The following CCDC144A variants were observed in gnomAD, a reference collection of about 807,000 sequenced individuals.
CCDC144A encodes coiled-coil domain-containing protein 144A.
A neutral mutation model predicts 143.8 loss-of-function variants in CCDC144A; 41 were observed. The observed-to-expected ratio is 0.29, with a 90% CI of 0.22 to 0.37. The LOEUF is 0.37. CCDC144A is among the 10% of genes least tolerant of loss of function. The pLI, the probability that CCDC144A is intolerant of heterozygous loss-of-function variation, is 1.00. For synonymous variants in CCDC144A, 242 were observed against 517.9 expected (o/e 0.47, Z 7.23); for missense variants, 637 against 1,488.8 (o/e 0.43, Z 9.41).
At chr17:16,686,205 G>A (rs2142732891), upstream of CCDC144A, among the ~76,000 whole-genome samples, 1 of 149,394 alleles carries the variant, frequency 6.7e-6, no homozygotes, top group East Asian at 2.0e-4. Flanking sequence ...GCCTGTGATT[G>A]GCTCTGTTTT....
intron 2 of CCDC144A, among the ~76,000 whole-genome samples, 192 bp from the exon 3 acceptor site, chr17:16,704,959 T>C (rs141380965): frequency 2.6e-4 from 39 of 152,300 alleles, no homozygotes; most frequent in African/African-American, 9.1e-4. Flanking sequence ...TGAGAGATGA[T>C]AGTTAATTAT....
At chr17:16,734,004 G>T (rs1314685192) in intron 11 of CCDC144A, among the ~76,000 whole-genome samples, 1 of 152,050 alleles carries the variant, frequency 6.6e-6, no homozygotes, top group Non-Finnish European at 1.5e-5. Flanking sequence ...AGCTGCGTGT[G>T]GGGGTGTGTG....
chr17:16,693,919 G>C (rs1198859877), intron 2 of CCDC144A, among the ~76,000 whole-genome samples: 1 of 147,300 alleles, frequency 6.8e-6, no homozygotes. Flanking sequence ...TGTTTGGTAT[G>C]GTATATGTAT....
intron 12 of CCDC144A, among the ~76,000 whole-genome samples, chr17:16,757,316 C>G (rs983550725): frequency 3.9e-5 from 6 of 152,236 alleles, no homozygotes; most frequent in African/African-American, 1.4e-4. Flanking sequence ...GTACCTAAGG[C>G]AGTGTGTGGA....
intron 12 of CCDC144A, chr17:16,746,708 T>C (rs1914540730): frequency 1.2e-6 from 2 of 1,611,780 alleles, no homozygotes; most frequent in Non-Finnish European, 1.7e-6. Context: ...CGGGCGCAGC[T>C]GCTCCTCCAG....
intron 6 of CCDC144A, among the ~76,000 whole-genome samples, chr17:16,717,261 C>T (rs1279844041): frequency 5.3e-5 from 8 of 151,460 alleles, no homozygotes; most frequent in East Asian, 3.9e-4. Context: ...ACTACAGGTG[C>T]GCCACCATGC....
At chr17:16,753,445 TTTTTTTTTTTTG>T (rs1914913676) in intron 12 of CCDC144A, among the ~76,000 whole-genome samples, 1 of 147,748 alleles carries the variant, frequency 6.8e-6, no homozygotes, top group African/African-American at 2.5e-5. Flanking sequence ...TTTTTTTTTT[TTTTTTTTTTTTG>T]TAAAGCTCTT....
intron 15 of CCDC144A, 107 bp downstream of exon 15, chr17:16,764,282 A>G (rs1915507126): frequency 4.6e-6 from 7 of 1,528,040 alleles, no homozygotes; most frequent in Non-Finnish European, 6.2e-6. Flanking sequence ...TAAAAGTAAT[A>G]ATTACCTGTG....
chr17:16,765,908 A>G (rs1915575251), intron 15 of CCDC144A: 1 of 152,280 alleles, frequency 6.6e-6, no homozygotes, highest in Non-Finnish European at 1.5e-5. Flanking sequence ...TAATGTTCTC[A>G]TTAGTACTAT....
At chr17:16,727,789 C>G (rs781648864) in intron 9 of CCDC144A, 49 bp downstream of exon 9, 2 of 1,581,680 alleles carry the variant, frequency 1.3e-6, no homozygotes, top group East Asian at 4.6e-5. Context: ...GACAATATAT[C>G]AGAATTTTTG....
chr17:16,682,528 A>G, the CCDC144A span, among the ~76,000 whole-genome samples: 1 of 151,994 alleles, frequency 6.6e-6, no homozygotes, highest in Non-Finnish European at 1.5e-5. Context: ...GAAAGTAAAT[A>G]AAAGAAAGAT....
chr17:16,766,961 A>G (rs1421695507), intron 15 of CCDC144A: 1 of 152,122 alleles, frequency 6.6e-6, no homozygotes, highest in Non-Finnish European at 1.5e-5. Flanking sequence ...TTGCCCAATC[A>G]TGTTAGATTT....
At chr17:16,740,478 A>G (rs1019724374) in intron 12 of CCDC144A, among the ~76,000 whole-genome samples, 1 of 152,240 alleles carries the variant, frequency 6.6e-6, no homozygotes, top group Non-Finnish European at 1.5e-5. Context: ...TTTATCAGAA[A>G]CAAATGGTTG....
In CCDC144A at chr17:16,732,607, C is replaced by G. The variant is rs1369011079; in HGVS notation, c.2359C>G (p.Gln787Glu). ...ACAGGATGCCAGAATATTACAAGAT[C>G]AGATTCTGACGAGTAAACAAAAGGA... is the stretch of plus-strand genomic sequence containing the variant. ...EEQDARILQD[Q>E]ILTSKQKELE... Residue 787 changes from glutamine to glutamate, a missense_variant, in exon 11 of 17, where the codon CAG (glutamine) becomes GAG (glutamate). Gln to Glu is a conservative substitution (Grantham distance 29). Transcript: ENST00000399273. 2.5e-6 allele frequency: 4 copies of G among 1,611,254 alleles called. No homozygotes were observed.
At chr17:16,679,088 C>CGG in the CCDC144A span, among the ~76,000 whole-genome samples, 15 of 149,474 alleles carry the variant, frequency 1.0e-4, no homozygotes, top group South Asian at 2.6e-3. Flanking sequence ...GTAGAGATGG[C>CGG]GGGGGGGGGT....
intron 5 of CCDC144A, among the ~76,000 whole-genome samples, chr17:16,710,598 C>T (rs1912351008): frequency 6.6e-6 from 1 of 151,798 alleles, no homozygotes; most frequent in Non-Finnish European, 1.5e-5. Context: ...TGAATCAGAC[C>T]TTTATGTTAT....
Position 16,734,691 on chromosome 17 carries a change from T to G in CCDC144A, c.2420T>G (p.Ile807Ser). Residue 807 changes from isoleucine (I) to serine (S), a missense_variant and splice_region_variant, in exon 12 of 17, where the codon ATT (isoleucine) becomes AGT (serine). Coordinates refer to ENST00000399273, the MANE Select transcript of CCDC144A (RefSeq NM_001382000.1). ...CTGAATGTTTCCTTTCTTACTTAGA[T>G]TTCTCATAGGCATCAGAAAGAAAAG... ...EMARKKMNSE[I>S]SHRHQKEKDL... 1.3e-6 allele frequency: 2 copies of G among 1,537,678 alleles called. No individual in the cohort carries two copies. The highest frequency in any genetic ancestry group is 2.6e-5 in the South Asian group (2 of 78,156).
chr17:16,708,453 T>C (rs1373077327), intron 4 of CCDC144A, among the ~76,000 whole-genome samples: 3 of 152,178 alleles, frequency 2.0e-5, no homozygotes, highest in Non-Finnish European at 4.4e-5. Context: ...TTTGTAACAC[T>C]AGAAATCGTC....
At chr17:16,691,112 G>A (rs1279794929) in intron 1 of CCDC144A, among the ~76,000 whole-genome samples, 1 of 152,104 alleles carries the variant, frequency 6.6e-6, no homozygotes, top group African/African-American at 2.4e-5. Flanking sequence ...CACTTTGGGA[G>A]GCCGAGGAGG....
Sources: allele counts gnomAD v4.1 joint callset (sites outside exome capture counted in the v4.1 genomes callset), GRCh38; gene constraint gnomAD v4.1.1; transcripts MANE v1.5; gene names NCBI Gene and HGNC (gene_info 2026-07-23, HGNC 2026-07-21).